SORCS3: variants seen among roughly 807,000 people sequenced by gnomAD.
SORCS3 encodes the protein VPS10 domain-containing receptor SorCS3.
Under a neutral mutation model 146.3 loss-of-function variants are expected in SORCS3, and 57 were observed. The ratio of observed to expected loss-of-function variants is 0.39; its 90% confidence interval spans 0.31 to 0.49. The LOEUF (loss-of-function observed/expected upper bound fraction) is 0.49, where lower values mean the gene tolerates loss of function less well. Among genes scored for constraint, SORCS3 ranks in the 20% least tolerant of loss-of-function variants. The pLI is 0.92. For missense variants in SORCS3, 1,341 were observed against 1,575.5 expected (o/e 0.85, Z 2.52); for synonymous variants, 653 against 618.5 (o/e 1.06, Z -0.83).
chr10:104,660,926 G>T (rs374711031), intron 1 of SORCS3, among the ~76,000 whole-genome samples: 2 of 152,336 alleles, frequency 1.3e-5, no homozygotes, highest in Admixed American at 6.5e-5. Context: ...TACTTACAAT[G>T]ATGGATTTTT....
At chr10:105,246,481 T>C (rs1203447828) in intron 21 of SORCS3, among the ~76,000 whole-genome samples, 1 of 152,194 alleles carries the variant, frequency 6.6e-6, no homozygotes, top group Admixed American at 6.5e-5. Context: ...TTGTTACATA[T>C]GTAATGTAAA....
chr10:104,757,509 G>C (rs900327292), intron 1 of SORCS3, among the ~76,000 whole-genome samples: 2 of 152,128 alleles, frequency 1.3e-5, no homozygotes, highest in Non-Finnish European at 2.9e-5. Context: ...CTGCTTTTGC[G>C]TTTCGAGGTG....
chr10:105,028,244 G>A (rs1294608557), intron 4 of SORCS3, among the ~76,000 whole-genome samples: 2 of 152,178 alleles, frequency 1.3e-5, no homozygotes, highest in Non-Finnish European at 2.9e-5. Context: ...ATTCTCTGCT[G>A]TTTTCTCAGA....
At chr10:104,915,391 G>A (rs1193276758) in intron 2 of SORCS3, among the ~76,000 whole-genome samples, 2 of 152,050 alleles carry the variant, frequency 1.3e-5, no homozygotes, top group African/African-American at 4.8e-5. Flanking sequence ...GGTTGAAGTT[G>A]GTTGTACCCT....
intron 3 of SORCS3, among the ~76,000 whole-genome samples, chr10:104,956,757 G>A (rs139993251): frequency 0.011 from 1,675 of 152,264 alleles, 11 homozygotes; most frequent in Non-Finnish European, 0.015. Context: ...AAATGAATGT[G>A]AGGGAATGAT....
chr10:105,256,762 C>G, intron 24 of SORCS3, 57 bp from the exon 25 acceptor site: 1 of 1,352,904 alleles, frequency 7.4e-7, no homozygotes, highest in Non-Finnish European at 1.1e-6. Context: ...CTCCCTCCAG[C>G]TAACAGCTTC....
chr10:104,866,215 G>C (rs894428697), intron 2 of SORCS3, among the ~76,000 whole-genome samples: 1 of 152,146 alleles, frequency 6.6e-6, no homozygotes, highest in Non-Finnish European at 1.5e-5. Flanking sequence ...ATTAAGGCAC[G>C]GGAGATGAGG....
At chr10:105,209,187 GC>G (rs1394897581) in intron 16 of SORCS3, among the ~76,000 whole-genome samples, 4 of 152,192 alleles carry the variant, frequency 2.6e-5, no homozygotes, top group Non-Finnish European at 5.9e-5. Flanking sequence ...TGTTGCCCAG[GC>G]TGGAGTGCAG....
At chr10:104,657,185 T>C (rs2015642204) in intron 1 of SORCS3, among the ~76,000 whole-genome samples, 1 of 152,040 alleles carries the variant, frequency 6.6e-6, no homozygotes, top group South Asian at 2.1e-4. Context: ...GAGAGACAAC[T>C]AGTACATAGC....
intron 5 of SORCS3, among the ~76,000 whole-genome samples, chr10:105,055,404 A>T (rs958810622): frequency 6.6e-6 from 1 of 152,180 alleles, no homozygotes; most frequent in African/African-American, 2.4e-5. Context: ...GATATTTGGG[A>T]TCTAAATAAA....
intron 2 of SORCS3, among the ~76,000 whole-genome samples, chr10:104,887,569 G>T (rs1481959868): frequency 1.3e-5 from 2 of 152,186 alleles, no homozygotes; most frequent in African/African-American, 2.4e-5. Context: ...CAAGAGTCCG[G>T]TTATAGGAAA....
At chr10:105,003,675 A>G (rs936733589) in intron 4 of SORCS3, among the ~76,000 whole-genome samples, 7 of 152,158 alleles carry the variant, frequency 4.6e-5, no homozygotes, top group Admixed American at 2.0e-4. Flanking sequence ...CCAGCGTCCT[A>G]GCAGGAGCGT....
At chr10:104,945,864 A>C (rs927774162) in intron 3 of SORCS3, among the ~76,000 whole-genome samples, 3 of 151,698 alleles carry the variant, frequency 2.0e-5, no homozygotes, top group African/African-American at 4.8e-5. Flanking sequence ...GAGATGGCTT[A>C]GTTAACACTT....
Position 104,659,715 on chromosome 10 carries a change from G to A in SORCS3, c.627+17761G>A, listed in dbSNP as rs78019015. On this transcript the variant is annotated intron_variant, in intron 1 of 26. Coordinates refer to ENST00000369701, the MANE Select transcript of SORCS3 (RefSeq NM_014978.3). The stretch of plus-strand genomic sequence containing the variant: ...TTTGCCTGGTCTTTGTGAGGATTTA[G>A]TGAGTTTAAAGGGCTTGCCAAGGCG... Among the ~76,000 whole-genome samples the A allele has an allele frequency of 6.9e-3, 1,057 of 152,256 alleles. 15 individuals carry two copies. Among genetic ancestry groups the A allele is most frequent in the African/African-American group, 0.024 (1,007 of 41,546 alleles).
At chr10:104,949,818 T>A (rs763785877) in intron 3 of SORCS3, among the ~76,000 whole-genome samples, 2 of 152,224 alleles carry the variant, frequency 1.3e-5, no homozygotes, top group Non-Finnish European at 2.9e-5. Flanking sequence ...TTTATTTCCT[T>A]AGTGTATTTT....
At chr10:105,227,385 T>G (rs1253444435) in intron 20 of SORCS3, among the ~76,000 whole-genome samples, 1 of 152,158 alleles carries the variant, frequency 6.6e-6, no homozygotes, top group African/African-American at 2.4e-5. Context: ...ATTTCTAGAT[T>G]TATTCCATTG....
At chr10:105,008,281 C>T (rs1421878503) in intron 4 of SORCS3, among the ~76,000 whole-genome samples, 2 of 152,226 alleles carry the variant, frequency 1.3e-5, no homozygotes, top group Non-Finnish European at 1.5e-5. Context: ...TAGTAGTCAT[C>T]CTATAGTAAA....
chr10:104,899,595 C>T (rs1463867515), intron 2 of SORCS3, among the ~76,000 whole-genome samples: 1 of 152,156 alleles, frequency 6.6e-6, no homozygotes, highest in Non-Finnish European at 1.5e-5. Flanking sequence ...ATGTTGATAA[C>T]CCAGAAAATG....
chr10:104,866,981 C>CA (rs1326799009), intron 2 of SORCS3, among the ~76,000 whole-genome samples: 7 of 152,128 alleles, frequency 4.6e-5, no homozygotes, highest in African/African-American at 1.7e-4. Context: ...GTTTTATTCT[C>CA]ATTAAACAGA....
Sources: gnomAD v4.1 joint callset for allele counts (sites outside exome capture counted in the v4.1 genomes callset) on GRCh38, gnomAD v4.1.1 for gene constraint, MANE v1.5 for transcripts, NCBI Gene and HGNC (gene_info 2026-07-23, HGNC 2026-07-21) for gene names.